IL19: variants seen among roughly 807,000 people sequenced by gnomAD.
The protein encoded by IL19 is interleukin 19, also known as interleukin-19.
Under a neutral mutation model 19.5 loss-of-function variants are expected in IL19, and 15 were observed. The ratio of observed to expected loss-of-function variants is 0.77; its 90% confidence interval spans 0.52 to 1.19. The LOEUF (loss-of-function observed/expected upper bound fraction) is 1.19. Ranked by LOEUF, IL19 falls within the 50% of genes most tolerant of loss-of-function variation. The pLI is 0.00. For missense variants in IL19, 199 were observed against 213.1 expected, an observed-to-expected ratio of 0.93 and a Z score of 0.41; for synonymous variants, 78 against 78.3, an observed-to-expected ratio of 1.00 and a Z score of 0.02.
chr1:206,782,772 G>A (rs1430131771), intron 1 of IL19, among the ~76,000 whole-genome samples: 5 of 152,182 alleles, frequency 3.3e-5, no homozygotes. Flanking sequence ...TAGAGGCTGG[G>A]TGTGGTCAAG....
intron 2 of IL19, among the ~76,000 whole-genome samples, chr1:206,820,820 C>T (rs930611138): frequency 1.3e-5 from 2 of 152,210 alleles, no homozygotes; most frequent in South Asian, 2.1e-4. Flanking sequence ...CCCCACCCCG[C>T]TTTCAAACAC....
At chr1:206,789,825 G>A (rs1218943084) in intron 1 of IL19, among the ~76,000 whole-genome samples, 3 of 152,148 alleles carry the variant, frequency 2.0e-5, no homozygotes, top group Non-Finnish European at 4.4e-5. Flanking sequence ...AGAACATGTG[G>A]CATTTGGTTT....
intron 2 of IL19, among the ~76,000 whole-genome samples, chr1:206,814,701 C>T (rs560544911): frequency 6.6e-6 from 1 of 150,708 alleles, no homozygotes; most frequent in African/African-American, 2.5e-5. Context: ...CACACACACA[C>T]ACACACACAC....
chr1:206,784,047 C>T (rs1675207463), intron 1 of IL19, among the ~76,000 whole-genome samples: 1 of 152,136 alleles, frequency 6.6e-6, no homozygotes, highest in South Asian at 2.1e-4. Flanking sequence ...TTGGAACAGA[C>T]CAATTTCAAC....
At chr1:206,784,104 T>C (rs4072226) in intron 1 of IL19, among the ~76,000 whole-genome samples, 93,270 of 152,028 alleles carry the variant, frequency 0.61, 29,414 homozygotes, top group East Asian at 0.97. Context: ...GTCAGTCTCA[T>C]AGTAGAAAGA....
At chr1:206,781,226 A>C (rs1320114146) in intron 1 of IL19, among the ~76,000 whole-genome samples, 1 of 151,824 alleles carries the variant, frequency 6.6e-6, no homozygotes, top group African/African-American at 2.4e-5. Flanking sequence ...TGGGCGGATC[A>C]CTAGGTCAGT....
chr1:206,827,509 T>C (rs1676466514), intron 2 of IL19, among the ~76,000 whole-genome samples: 1 of 151,862 alleles, frequency 6.6e-6, no homozygotes, highest in Non-Finnish European at 1.5e-5. Flanking sequence ...GCTAACACAG[T>C]GAAACCCCGT....
intron 1 of IL19, among the ~76,000 whole-genome samples, chr1:206,775,706 G>T (rs1674975972): frequency 6.6e-6 from 1 of 152,192 alleles, no homozygotes; most frequent in Non-Finnish European, 1.5e-5. Flanking sequence ...AAGTCACTGG[G>T]GTCCACGGGG....
At chr1:206,825,416 T>A (rs990601808) in intron 2 of IL19, among the ~76,000 whole-genome samples, 1 of 152,234 alleles carries the variant, frequency 6.6e-6, no homozygotes, top group Non-Finnish European at 1.5e-5. Context: ...GCTTAATAAC[T>A]CTTCAATATC....
intron 2 of IL19, among the ~76,000 whole-genome samples, chr1:206,812,237 G>A (rs1653334474): frequency 6.6e-6 from 1 of 152,104 alleles, no homozygotes; most frequent in Non-Finnish European, 1.5e-5. Flanking sequence ...GGTGGAAGAG[G>A]GACTAGCTCT....
chr1:206,802,313 G>A (rs1675733644), intron 2 of IL19, among the ~76,000 whole-genome samples: 1 of 152,092 alleles, frequency 6.6e-6, no homozygotes, highest in African/African-American at 2.4e-5. Flanking sequence ...AAGTCAGTAG[G>A]TTGTGAGAGG....
In IL19 at chr1:206,841,564, C is replaced by T. The variant is rs544480260; in HGVS notation, c.438+486C>T. Among the ~76,000 whole-genome samples, 9 of 152,332 alleles carry T rather than the reference C, an allele frequency of 5.9e-5. No homozygotes were observed. In the South Asian group the frequency reaches 1.9e-3, roughly 32 times the overall value. ...AAGAAGCAGTGTTTCTCATGAGCAT[C>T]AGTTCAAGATCTTGTTAAAATGCAG... On this transcript the variant is annotated intron_variant, in intron 6 of 6. Transcript: ENST00000659997.
chr1:206,785,690 AT>A (rs1364947054), intron 1 of IL19, among the ~76,000 whole-genome samples: 1 of 152,248 alleles, frequency 6.6e-6, no homozygotes, highest in African/African-American at 2.4e-5. Flanking sequence ...GACCTCGACT[AT>A]TTCAGATGTT....
chr1:206,776,427 G>GGT (rs2234655), intron 1 of IL19, among the ~76,000 whole-genome samples: 32,037 of 148,276 alleles, frequency 0.22, 3,782 homozygotes, highest in Non-Finnish European at 0.28. Flanking sequence ...GAACTGCTGG[G>GGT]GTGTGTGTGT....
At chr1:206,781,132 C>T (rs1675117439) in intron 1 of IL19, among the ~76,000 whole-genome samples, 1 of 151,970 alleles carries the variant, frequency 6.6e-6, no homozygotes, top group South Asian at 2.1e-4. Flanking sequence ...AGGAGCAACA[C>T]CTTCCAGAAA....
At chr1:206,802,311 A>T (rs1356945901) in intron 2 of IL19, among the ~76,000 whole-genome samples, 4 of 152,208 alleles carry the variant, frequency 2.6e-5, no homozygotes, top group Non-Finnish European at 4.4e-5. Flanking sequence ...GTAAGTCAGT[A>T]GGTTGTGAGA....
intron 1 of IL19, among the ~76,000 whole-genome samples, chr1:206,791,099 T>C (rs1338760620): frequency 6.6e-6 from 1 of 152,216 alleles, no homozygotes; most frequent in African/African-American, 2.4e-5. Flanking sequence ...CCGTGTATGT[T>C]GTATCCACCA....
At chr1:206,825,754 C>A (rs528330894) in intron 2 of IL19, among the ~76,000 whole-genome samples, 3 of 152,236 alleles carry the variant, frequency 2.0e-5, no homozygotes, top group Non-Finnish European at 4.4e-5. Flanking sequence ...CTCGCCAAAA[C>A]CCCGTGCAGG....
In IL19 at chr1:206,842,528, T is replaced by C; in HGVS notation, c.440T>C (p.Leu147Pro). Residue 147 changes from leucine to proline, a missense_variant and splice_region_variant, in exon 7 of 7, where the codon CTG (leucine) becomes CCG (proline). Coordinates refer to ENST00000659997, the MANE Select transcript of IL19 (RefSeq NM_153758.5). ...TCTTACATTGATCTCTGATTTCAGC[T>C]GGAGGTCCACGCTGCTGCCATTAAA... ...TRVIHDNYDQ[L>P]EVHAAAIKSL... is the part of the protein sequence containing the mutation. The C allele has an allele frequency of 6.4e-7, 1 of 1,556,768 alleles. No individual in the cohort carries two copies. Among genetic ancestry groups the C allele is most frequent in the Non-Finnish European group, 8.7e-7 (1 of 1,146,422 alleles).
Sources: allele counts gnomAD v4.1 joint callset (sites outside exome capture counted in the v4.1 genomes callset), GRCh38; gene constraint gnomAD v4.1.1; transcripts MANE v1.5; gene names NCBI Gene and HGNC (gene_info 2026-07-23, HGNC 2026-07-21).